MAPK8IP3: variants seen among roughly 807,000 people sequenced by gnomAD.
MAPK8IP3 encodes C-Jun-amino-terminal kinase-interacting protein 3.
A neutral mutation model predicts 157.8 loss-of-function variants in MAPK8IP3; 49 were observed. The ratio of observed to expected loss-of-function variants is 0.31; its 90% CI spans 0.25 to 0.39. The LOEUF is 0.39. MAPK8IP3 is among the 10% of genes least tolerant of loss of function. The pLI, the probability that MAPK8IP3 is intolerant of heterozygous loss-of-function variation, is 1.00. For missense variants in MAPK8IP3, 1,478 were observed against 1,889.4 expected, an observed-to-expected ratio of 0.78 and a Z score of 4.04; for synonymous variants, 897 against 777.7, an observed-to-expected ratio of 1.15 and a Z score of -2.55.
At chr16:1,758,901 C>A (rs1221799534) in intron 9 of MAPK8IP3, 77 bp from the exon 10 acceptor site, 1 of 1,515,034 alleles carries the variant, frequency 6.6e-7, no homozygotes, top group East Asian at 2.3e-5. Context: ...GGGCTTAACG[C>A]GCTTCTCTTC....
intron 1 of MAPK8IP3, among the ~76,000 whole-genome samples, chr16:1,711,897 A>G (rs1364601089): frequency 6.7e-6 from 1 of 149,744 alleles, no homozygotes; most frequent in Non-Finnish European, 1.5e-5. Context: ...CCGAGATTGC[A>G]ACGCTACTGC....
intron 17 of MAPK8IP3, 38 bp downstream of exon 17, chr16:1,763,821 C>A: frequency 9.5e-7 from 1 of 1,050,684 alleles, no homozygotes; most frequent in Non-Finnish European, 1.2e-6. Flanking sequence ...CGGGGCCCCG[C>A]AGAGGCGGGG....
rs1185060424 is a variant in MAPK8IP3 at position 1,757,427 on chromosome 16, TC to T, written c.1217-719del. Among the ~76,000 whole-genome samples, 6 of 152,328 alleles carry T rather than the reference TC, an allele frequency of 3.9e-5. No individual in the cohort carries two copies. The East Asian group carries it at 7.7e-4, about 20-fold the overall frequency. ...CTCAAGTGACTTTTTAATGCCATTT[TC>T]CTTTCTGTGTGAAACAACCAAGTAG... On this transcript the variant is annotated intron_variant, in intron 8 of 31. Transcript: ENST00000610761.
intron 4 of MAPK8IP3, among the ~76,000 whole-genome samples, chr16:1,740,071 C>CCT (rs1555450581): frequency 3.0e-5 from 2 of 65,650 alleles, no homozygotes. Context: ...TCCGTGTGAG[C>CCT]GTGAGCATCC....
chr16:1,718,099 C>T (rs1415806148), intron 1 of MAPK8IP3, among the ~76,000 whole-genome samples: 2 of 152,068 alleles, frequency 1.3e-5, no homozygotes, highest in African/African-American at 2.4e-5. Context: ...AAGGTTCGCC[C>T]GCCTCGGACT....
rs78990502 is a variant in MAPK8IP3, at chr16:1,748,778, G to A, written c.1216+58G>A. ...CTGCACAATGCTGGGGCTTTCTGCTGTTGGTTTTGTTTGTAATGAAAGGAA... is the reference window on the plus strand; with the variant it reads ...CTGCACAATGCTGGGGCTTTCTGCTATTGGTTTTGTTTGTAATGAAAGGAA... On this transcript the variant is annotated intron_variant, in intron 8 of 31. Coordinates refer to ENST00000610761, the MANE Select transcript of MAPK8IP3 (RefSeq NM_001318852.2). The A allele has an allele frequency of 5.8e-3, 8,421 of 1,457,938 alleles. 294 individuals are homozygous for A. The African/African-American group carries it at 0.083, about 14-fold the overall frequency. The allele number at this position is 1,457,938 out of a possible 1,614,324, so 90.3% of individuals were successfully genotyped here. A position where few individuals can be genotyped will look rare whatever the true frequency, so the allele number is the denominator to read the frequency against.
At chr16:1,727,929 G>T (rs2039001463) in intron 2 of MAPK8IP3, among the ~76,000 whole-genome samples, 1 of 152,252 alleles carries the variant, frequency 6.6e-6, no homozygotes, top group Non-Finnish European at 1.5e-5. Context: ...AGCTGGGGAG[G>T]ATGGGAGGGC....
At chr16:1,728,457 T>C (rs2039049888) in intron 2 of MAPK8IP3, among the ~76,000 whole-genome samples, 1 of 152,234 alleles carries the variant, frequency 6.6e-6, no homozygotes, top group Non-Finnish European at 1.5e-5. Flanking sequence ...GGGTTTTGCC[T>C]GCATCTCAGA....
At position 1,760,538 on chromosome 16, in the gene MAPK8IP3, G is replaced by A. The variant is rs1397191876; in HGVS notation, c.1457+6G>A. On this transcript the variant is annotated splice_donor_region_variant and intron_variant, in intron 12 of 31. Transcript: ENST00000610761. ...CTGGAAGAGGAACTGAAAAGGTGAGGGCAGGGCATGGAAAGCTGGTCAGAG... is the reference window on the plus strand; with the variant it reads ...CTGGAAGAGGAACTGAAAAGGTGAGAGCAGGGCATGGAAAGCTGGTCAGAG... 1.2e-6 allele frequency: 2 copies of A among 1,608,198 alleles called. No homozygotes were observed. Among genetic ancestry groups the A allele is most frequent in the South Asian group, 1.1e-5 (1 of 90,816 alleles).
At chr16:1,736,361 T>A (rs1431089182) in intron 4 of MAPK8IP3, among the ~76,000 whole-genome samples, 2 of 80,718 alleles carry the variant, frequency 2.5e-5, no homozygotes, top group African/African-American at 5.0e-5. Flanking sequence ...CGTCCGTGTG[T>A]GACCGTCCGT....
rs1379932180 is a variant in MAPK8IP3, at chr16:1,741,711, T to A, written c.603-1621T>A. Among the ~76,000 whole-genome samples the A allele has an allele frequency of 2.0e-5, 3 of 152,082 alleles. No homozygotes were observed. Among genetic ancestry groups the A allele is most frequent in the African/African-American group, 7.2e-5 (3 of 41,392 alleles). The stretch of plus-strand genomic sequence containing the variant: ...ATGCTCCCTGGGCCTGGTGGCTGGC[T>A]GCCTTCACGGTGGCCAGGGAACCTC... On this transcript the variant is annotated intron_variant, in intron 4 of 31. Transcript: ENST00000610761. This position sits in a 1 kb window ranked among gnomAD's most constrained non-coding sequence, Gnocchi z 6.9.
rs1248373927 is a variant in MAPK8IP3 at position 1,741,289 on chromosome 16, C to G, written c.603-2043C>G. ...AAATCGGGAGGACGGGGTCAGTCGG[C>G]AAACGCTCACGAGCCTGAGGCCAGG... On this transcript the variant is annotated intron_variant, in intron 4 of 31. Coordinates refer to ENST00000610761, the MANE Select transcript of MAPK8IP3 (RefSeq NM_001318852.2). The surrounding 1 kb of genome is among the most constrained non-coding windows in gnomAD (Gnocchi z 6.9). Among the ~76,000 whole-genome samples the G allele has an allele frequency of 6.6e-6, 1 of 152,182 alleles. No homozygotes were observed. The highest frequency in any genetic ancestry group is 1.5e-5 in the Non-Finnish European group (1 of 68,028).
intron 4 of MAPK8IP3, among the ~76,000 whole-genome samples, chr16:1,739,071 T>TGA (rs1287015669): frequency 1.7e-5 from 2 of 121,170 alleles, no homozygotes; most frequent in African/African-American, 3.2e-5. Flanking sequence ...AGCGTCCGTG[T>TGA]GAGTGTGACC....
intron 1 of MAPK8IP3, among the ~76,000 whole-genome samples, chr16:1,723,498 T>G (rs1455356203): frequency 1.3e-5 from 2 of 152,098 alleles, no homozygotes; most frequent in Non-Finnish European, 2.9e-5. Context: ...CACATGCCTG[T>G]AGTCCCAGCT....
intron 4 of MAPK8IP3, among the ~76,000 whole-genome samples, chr16:1,732,823 G>A (rs527949317): frequency 1.3e-5 from 2 of 152,080 alleles, no homozygotes; most frequent in African/African-American, 2.4e-5. Context: ...CTACGCCAGG[G>A]CGTGTGGATG....
Position 1,710,783 on chromosome 16 carries a change from T to A in MAPK8IP3, c.318+4126T>A, listed in dbSNP as rs1457473706. On this transcript the variant is annotated intron_variant, in intron 1 of 31. Coordinates refer to ENST00000610761, the MANE Select transcript of MAPK8IP3 (RefSeq NM_001318852.2). The surrounding 1 kb of genome is among the most constrained non-coding windows in gnomAD (Gnocchi z 4.1). ...TGTTATGATATTAAGAACAGTTTTT[T>A]AAAAAATGTTTTTTAAATGAAGCTA... Among the ~76,000 whole-genome samples, 2 of 152,232 alleles carry A rather than the reference T, an allele frequency of 1.3e-5. No individual in the cohort carries two copies. The highest frequency in any genetic ancestry group is 1.9e-4 in the East Asian group (1 of 5,204).
At chr16:1,761,907 G>A (rs182157617) in intron 13 of MAPK8IP3, among the ~76,000 whole-genome samples, 3 of 152,162 alleles carry the variant, frequency 2.0e-5, no homozygotes, top group Non-Finnish European at 4.4e-5. Flanking sequence ...ACTCACCGGC[G>A]CTTCTGTCTC....
chr16:1,727,960 C>CA (rs1382618953), intron 2 of MAPK8IP3, among the ~76,000 whole-genome samples: 1 of 152,224 alleles, frequency 6.6e-6, no homozygotes, highest in African/African-American at 2.4e-5. Flanking sequence ...GGACAGGGCA[C>CA]AAGCTGGTGG....
rs757755449 is a variant in MAPK8IP3, at chr16:1,761,814, CCACCATT to C, written c.1540-519_1540-513del. The stretch of plus-strand genomic sequence containing the variant: ...TCCCACACATTCACACGCTGGGCGG[CCACCATT>C]CACCATTCACCATTCACACACAGTA... On this transcript the variant is annotated intron_variant, in intron 13 of 31. Coordinates refer to ENST00000610761, the MANE Select transcript of MAPK8IP3 (RefSeq NM_001318852.2). Among the ~76,000 whole-genome samples the C allele has an allele frequency of 9.5e-4, 144 of 152,328 alleles. 1 individual carries two copies. Among genetic ancestry groups the C allele is most frequent in the Non-Finnish European group, 1.2e-3 (80 of 68,032 alleles).
Sources: allele counts gnomAD v4.1 joint callset (sites outside exome capture counted in the v4.1 genomes callset), GRCh38; gene constraint gnomAD v4.1.1; non-coding constraint Gnocchi (gnomAD v3.1); transcripts MANE v1.5; gene names NCBI Gene and HGNC (gene_info 2026-07-23, HGNC 2026-07-21).